SSH2: variants seen among roughly 807,000 people sequenced by gnomAD.
SSH2 encodes slingshot protein phosphatase 2.
Under a neutral mutation model 135.2 loss-of-function variants are expected in SSH2, and 37 were observed. That is an observed-to-expected ratio of 0.27 (90% confidence interval 0.21 to 0.36). The LOEUF (loss-of-function observed/expected upper bound fraction) is 0.36. Among genes scored for constraint, SSH2 ranks in the 10% least tolerant of loss-of-function variants. The pLI is 1.00. For synonymous variants in SSH2, 628 were observed against 646.2 expected (o/e 0.97, Z 0.43); for missense variants, 1,408 against 1,765.3 (o/e 0.80, Z 3.63).
chr17:29,872,259 T>C (rs934390039), intron 1 of SSH2, among the ~76,000 whole-genome samples: 26 of 152,256 alleles, frequency 1.7e-4, no homozygotes, highest in African/African-American at 5.8e-4. Context: ...CTATTATTAA[T>C]ATTACTCAGT....
intron 4 of SSH2, among the ~76,000 whole-genome samples, chr17:29,699,042 A>G (rs2038876213): frequency 6.6e-6 from 1 of 152,212 alleles, no homozygotes; most frequent in Admixed American, 6.5e-5. Flanking sequence ...AAAAGTACTT[A>G]CTGCTCTGAG....
intron 3 of SSH2, among the ~76,000 whole-genome samples, chr17:29,708,421 C>T (rs751059436): frequency 1.2e-4 from 18 of 151,800 alleles, no homozygotes; most frequent in East Asian, 5.8e-4. Context: ...AACCCCATCT[C>T]GACTAAAAAT....
chr17:29,731,414 ATTTTTTATTTATTTATTTATTTATTTAT>A (rs2040188430), intron 3 of SSH2, among the ~76,000 whole-genome samples: 2 of 115,264 alleles, frequency 1.7e-5, no homozygotes, highest in Admixed American at 8.9e-5. Context: ...TAGCAGAAGT[ATTTTTTATTTATTTATTTATTTATTTAT>A]TTATTTATTT....
At chr17:29,773,638 T>G (rs913309898) in intron 3 of SSH2, among the ~76,000 whole-genome samples, 1 of 152,226 alleles carries the variant, frequency 6.6e-6, no homozygotes, top group Non-Finnish European at 1.5e-5. Context: ...TAAAGTGATA[T>G]GAAGATATTG....
chr17:29,844,094 C>T (rs1206822449), intron 2 of SSH2, among the ~76,000 whole-genome samples: 1 of 152,110 alleles, frequency 6.6e-6, no homozygotes, highest in African/African-American at 2.4e-5. Flanking sequence ...ACACAAAAGG[C>T]TAACATCTCT....
intron 1 of SSH2, among the ~76,000 whole-genome samples, chr17:29,882,135 A>G (rs2066148669): frequency 6.6e-6 from 1 of 152,254 alleles, no homozygotes; most frequent in African/African-American, 2.4e-5. Context: ...TAATATTTGG[A>G]AAATGATGTC....
At chr17:29,876,296 C>T (rs2066029663) in intron 1 of SSH2, among the ~76,000 whole-genome samples, 1 of 151,212 alleles carries the variant, frequency 6.6e-6, no homozygotes, top group African/African-American at 2.4e-5. Context: ...AAAATAGACA[C>T]ATAGACCAAT....
intron 1 of SSH2, among the ~76,000 whole-genome samples, chr17:29,867,289 A>T (rs1476221022): frequency 6.6e-6 from 1 of 152,172 alleles, no homozygotes; most frequent in Non-Finnish European, 1.5e-5. Context: ...CTTACATATT[A>T]GTTTTACAGT....
At chr17:29,901,045 C>T (rs1474394302) in intron 1 of SSH2, among the ~76,000 whole-genome samples, 4 of 151,954 alleles carry the variant, frequency 2.6e-5, no homozygotes, top group African/African-American at 9.7e-5. Flanking sequence ...AACCAAACAC[C>T]GCATGTTCTC....
chr17:29,700,869 A>C (rs2038946027), intron 4 of SSH2, among the ~76,000 whole-genome samples: 1 of 152,226 alleles, frequency 6.6e-6, no homozygotes, highest in African/African-American at 2.4e-5. Context: ...AGCTCACTGC[A>C]ACCTCCATCT....
At chr17:29,693,825 C>T (rs2038598441) in intron 5 of SSH2, among the ~76,000 whole-genome samples, 1 of 152,080 alleles carries the variant, frequency 6.6e-6, no homozygotes, top group South Asian at 2.1e-4. Context: ...CCTAGCAGGC[C>T]TCCCTGATTT....
chr17:29,907,757 C>A (rs2066682506), intron 1 of SSH2, among the ~76,000 whole-genome samples: 1 of 151,824 alleles, frequency 6.6e-6, no homozygotes, highest in Admixed American at 6.6e-5. Context: ...GACTCTAATT[C>A]TTCTCTCCCA....
chr17:29,751,846 GT>G (rs1490915685), intron 3 of SSH2, among the ~76,000 whole-genome samples: 2 of 152,050 alleles, frequency 1.3e-5, no homozygotes, highest in Non-Finnish European at 2.9e-5. Flanking sequence ...CCAAGTAAGA[GT>G]TTTAGCAAGG....
At position 29,631,039 on chromosome 17, in the gene SSH2, G is replaced by A. The variant is rs150472538; in HGVS notation, c.4155C>T (p.Leu1385=). The A allele has an allele frequency of 3.7e-5, 60 of 1,614,202 alleles. No homozygotes were observed. The East Asian group carries it at 1.0e-3, about 27-fold the overall frequency. ...KEFGSSQQYL[L]PRAGLELTSS... is the part of the protein sequence containing the mutation. ...TAGTCAATTCAAGTCCTGCCCTGGGGAGCAAATACTGCTGACTAGAACCAA... is the reference window on the plus strand; with the variant it reads ...TAGTCAATTCAAGTCCTGCCCTGGGAAGCAAATACTGCTGACTAGAACCAA... The change falls in exon 16 of 16, where the codon CTC becomes CTT. Residue 1385 remains leucine, a synonymous_variant. Coordinates refer to ENST00000540801, the MANE Select transcript of SSH2 (RefSeq NM_001282129.2).
At chr17:29,745,970 T>A (rs1166947404) in intron 3 of SSH2, among the ~76,000 whole-genome samples, 1 of 152,152 alleles carries the variant, frequency 6.6e-6, no homozygotes, top group Non-Finnish European at 1.5e-5. Flanking sequence ...TTATTCTGAA[T>A]ATGTGACCCA....
intron 1 of SSH2, among the ~76,000 whole-genome samples, chr17:29,885,328 G>A (rs1278066005): frequency 6.9e-6 from 1 of 144,288 alleles, no homozygotes; most frequent in Non-Finnish European, 1.5e-5. Context: ...CAAAGACTGG[G>A]GTTTCTTGCT....
chr17:29,676,755 T>G, intron 8 of SSH2, 65 bp downstream of exon 8: 2 of 1,331,746 alleles, frequency 1.5e-6, no homozygotes, highest in Non-Finnish European at 1.1e-6. Context: ...TTTCAAACAT[T>G]TCTTACAAAA....
chr17:29,733,199 A>C (rs1312296127), intron 3 of SSH2, among the ~76,000 whole-genome samples: 1 of 152,208 alleles, frequency 6.6e-6, no homozygotes, highest in African/African-American at 2.4e-5. Flanking sequence ...AAACAAGCAA[A>C]CAAATAAAAA....
intron 4 of SSH2, among the ~76,000 whole-genome samples, chr17:29,697,729 T>G (rs2038814689): frequency 6.6e-6 from 1 of 152,134 alleles, no homozygotes; most frequent in African/African-American, 2.4e-5. Context: ...ACCAATTAAT[T>G]CCATATTGCA....
Sources: gnomAD v4.1 joint callset for allele counts (sites outside exome capture counted in the v4.1 genomes callset) on GRCh38, gnomAD v4.1.1 for gene constraint, MANE v1.5 for transcripts, NCBI Gene and HGNC (gene_info 2026-07-23, HGNC 2026-07-21) for gene names.